The following NRG1 variants were observed in gnomAD, a reference collection of about 807,000 sequenced individuals.
The protein encoded by NRG1 is neuregulin 1.
A neutral mutation model predicts 63.8 loss-of-function variants in NRG1; 18 were observed. That is an observed-to-expected ratio of 0.28 (90% CI 0.19 to 0.42). NRG1 has a LOEUF of 0.42. Among genes scored for constraint, NRG1 ranks in the 10% least tolerant of loss-of-function variants. The pLI is 1.00. For synonymous variants in NRG1, 302 were observed against 301.3 expected (o/e 1.00, Z -0.02); for missense variants, 762 against 814.7 (o/e 0.94, Z 0.79).
intron 1 of NRG1, among the ~76,000 whole-genome samples, chr8:32,402,042 C>A (rs1813278728): frequency 6.6e-6 from 1 of 152,096 alleles, no homozygotes. Flanking sequence ...CACCCGAGTA[C>A]CTGGGACAAC....
At chr8:32,175,340 T>C (rs1449345949) in intron 1 of NRG1, among the ~76,000 whole-genome samples, 1 of 152,144 alleles carries the variant, frequency 6.6e-6, no homozygotes, top group African/African-American at 2.4e-5. Context: ...GTCAAAATAA[T>C]AAGAACTATC....
chr8:32,405,697 A>G (rs1213233147), intron 1 of NRG1, among the ~76,000 whole-genome samples: 3 of 152,160 alleles, frequency 2.0e-5, no homozygotes, highest in Non-Finnish European at 2.9e-5. Flanking sequence ...AACTATTCCT[A>G]TACAATTTTC....
At chr8:32,608,107 G>GTTTTTTTTTTTTTTTTTTTTTTTTTT (rs1224928528) in intron 3 of NRG1, among the ~76,000 whole-genome samples, 5 of 104,786 alleles carry the variant, frequency 4.8e-5, no homozygotes, top group Admixed American at 1.0e-4. Context: ...TTTTTTTTTT[G>GTTTTTTTTTTTTTTTTTTTTTTTTTT]TTTTTTTTTT....
At chr8:32,609,264 C>G (rs1280040884) in intron 3 of NRG1, among the ~76,000 whole-genome samples, 2 of 152,188 alleles carry the variant, frequency 1.3e-5, no homozygotes, top group Non-Finnish European at 1.5e-5. Context: ...TCCTCTTCCA[C>G]TGCTATCTAA....
At chr8:32,743,884 A>G (rs1449944804) in intron 7 of NRG1, among the ~76,000 whole-genome samples, 2 of 152,106 alleles carry the variant, frequency 1.3e-5, no homozygotes, top group African/African-American at 4.8e-5. Flanking sequence ...TGGTGACACC[A>G]TCACTGTCAC....
At chr8:32,370,100 T>C (rs1263179705) in intron 1 of NRG1, among the ~76,000 whole-genome samples, 1 of 152,170 alleles carries the variant, frequency 6.6e-6, no homozygotes, top group African/African-American at 2.4e-5. Flanking sequence ...TGGCAACAGA[T>C]ATAAAAAGCC....
intron 1 of NRG1, among the ~76,000 whole-genome samples, chr8:32,156,966 A>T (rs372261489): frequency 1.6e-4 from 24 of 152,164 alleles, no homozygotes; most frequent in East Asian, 1.5e-3. Context: ...ATTGGAGTTG[A>T]TAATGTTTGT....
At chr8:31,680,913 C>T (rs1585623980) in intron 1 of NRG1, among the ~76,000 whole-genome samples, 1 of 152,192 alleles carries the variant, frequency 6.6e-6, no homozygotes, top group East Asian at 1.9e-4. Context: ...GTTTTGCCCT[C>T]CCAGATATTA....
intron 1 of NRG1, among the ~76,000 whole-genome samples, chr8:32,359,852 T>C (rs968237380): frequency 6.6e-5 from 10 of 152,294 alleles, no homozygotes; most frequent in Admixed American, 5.2e-4. Flanking sequence ...ACTCACATGA[T>C]GTCATGCCAG....
chr8:32,398,714 C>T (rs934650626), intron 1 of NRG1, among the ~76,000 whole-genome samples: 6 of 152,096 alleles, frequency 3.9e-5, no homozygotes, highest in African/African-American at 1.4e-4. Flanking sequence ...TGCACCCAGC[C>T]TCTAATATTT....
chr8:32,529,514 GT>G (rs1831226294), intron 1 of NRG1, among the ~76,000 whole-genome samples: 1 of 151,982 alleles, frequency 6.6e-6, no homozygotes, highest in Admixed American at 6.5e-5. Context: ...TTTGACTTTT[GT>G]TATACTTACT....
rs1326726650 is a variant in NRG1 at position 31,640,525 on chromosome 8, C to G, written c.37+1094C>G. ...CGGGGGCTTGAAGAAGGACTCGCTGCTCACCGTGCGCCTGGGGACCTGGGG... is the reference window on the plus strand; with the variant it reads ...CGGGGGCTTGAAGAAGGACTCGCTGGTCACCGTGCGCCTGGGGACCTGGGG... On this transcript the variant is annotated intron_variant, in intron 1 of 10. Coordinates refer to the NRG1 transcript ENST00000519301. This position sits in a 1 kb window ranked among gnomAD's most constrained non-coding sequence, Gnocchi z 6.3. 1 of 1,611,624 alleles carries G rather than the reference C, an allele frequency of 6.2e-7. No homozygotes were observed. Among genetic ancestry groups the G allele is most frequent in the South Asian group, 1.1e-5 (1 of 90,942 alleles).
intron 1 of NRG1, among the ~76,000 whole-genome samples, chr8:32,075,885 C>G (rs1314337657): frequency 6.6e-6 from 1 of 152,188 alleles, no homozygotes; most frequent in Non-Finnish European, 1.5e-5. Context: ...CTTGGCCAGG[C>G]TGGTCTCAAA....
intron 1 of NRG1, among the ~76,000 whole-genome samples, chr8:32,032,071 A>G (rs1388375624): frequency 6.6e-6 from 1 of 152,136 alleles, no homozygotes; most frequent in African/African-American, 2.4e-5. Context: ...TCCCACCAAC[A>G]TTGTAAAAGC....
Position 32,742,032 on chromosome 8 carries a change from A to G in NRG1, c.633-643A>G, listed in dbSNP as rs759897503. The G allele has an allele frequency of 1.7e-5, 28 of 1,613,574 alleles. No homozygotes were observed. The highest frequency in any genetic ancestry group is 1.9e-5 in the Non-Finnish European group (22 of 1,179,762). The stretch of plus-strand genomic sequence containing the variant: ...GGTGCCAACCTGGATTCACTGGAGC[A>G]AGATGTACTGAGAATGTGCCCATGA... On this transcript the variant is annotated intron_variant, in intron 6 of 11. Coordinates refer to ENST00000356819, the Ensembl canonical transcript of NRG1. This position sits in a 1 kb window ranked among gnomAD's most constrained non-coding sequence, Gnocchi z 4.2.
intron 1 of NRG1, among the ~76,000 whole-genome samples, chr8:31,782,496 T>A (rs1819784954): frequency 1.3e-5 from 2 of 152,190 alleles, no homozygotes; most frequent in African/African-American, 4.8e-5. Context: ...AGACAGAGGC[T>A]TTATTCCAGT....
intron 1 of NRG1, among the ~76,000 whole-genome samples, chr8:32,445,300 T>TA (rs1326336303): frequency 2.6e-5 from 4 of 152,234 alleles, no homozygotes; most frequent in African/African-American, 9.6e-5. Context: ...ACATTAGTTT[T>TA]ATTTTTTTTC....
chr8:32,679,906 CATT>C, intron 5 of NRG1, among the ~76,000 whole-genome samples: 1 of 152,286 alleles, frequency 6.6e-6, no homozygotes, highest in South Asian at 2.1e-4. Flanking sequence ...TCCTGAAAGT[CATT>C]ATTACCTTGC....
chr8:32,036,102 A>G (rs774169972), intron 1 of NRG1, among the ~76,000 whole-genome samples: 1 of 152,180 alleles, frequency 6.6e-6, no homozygotes, highest in Non-Finnish European at 1.5e-5. Flanking sequence ...TGCTTCCTTC[A>G]GGAACTCTTG....
Sources: allele counts gnomAD v4.1 joint callset (sites outside exome capture counted in the v4.1 genomes callset), GRCh38; gene constraint gnomAD v4.1.1; non-coding constraint Gnocchi (gnomAD v3.1); transcripts MANE v1.5; gene names NCBI Gene and HGNC (gene_info 2026-07-23, HGNC 2026-07-21).